Variants in PRC1 observed in about 807,000 individuals in gnomAD.
PRC1 encodes protein regulator of cytokinesis 1.
PRC1 carries 54 observed loss-of-function variants against 91.2 expected under a neutral mutation model. The ratio of observed to expected loss-of-function variants is 0.59; its 90% CI spans 0.48 to 0.74. PRC1 has a LOEUF of 0.74. PRC1 is among the 30% of genes least tolerant of loss of function. The pLI is 0.00. For synonymous variants in PRC1, 275 were observed against 263.6 expected, an observed-to-expected ratio of 1.04 and a Z score of -0.42; for missense variants, 727 against 746.2, an observed-to-expected ratio of 0.97 and a Z score of 0.30.
rs1409330560 is a variant in PRC1 at position 90,966,059 on chromosome 15, C to T, written c.*1072G>A. On this transcript the variant is annotated 3_prime_UTR_variant, in exon 15 of 15. Transcript: ENST00000394249. ...TATATCTTTTTGAAATGTAAGTATACAGATTTTAATTTATTTTTAAGAATA... is the reference window on the plus strand; with the variant it reads ...TATATCTTTTTGAAATGTAAGTATATAGATTTTAATTTATTTTTAAGAATA... The T allele has an allele frequency of 6.6e-6, 1 of 152,158 alleles. No individual in the cohort carries two copies. The highest frequency in any genetic ancestry group is 1.9e-4 in the East Asian group (1 of 5,204). 9.4% of individuals were successfully genotyped at this position (152,158 alleles called of 1,614,324 possible).
In PRC1 at chr15:90,974,993, A is replaced by G. The variant is rs1350985398; in HGVS notation, c.1204-262T>C. 2.6e-5 allele frequency among the ~76,000 whole-genome samples: 4 copies of G among 152,248 alleles called. No individual in the cohort carries two copies. Among genetic ancestry groups the G allele is most frequent in the Admixed American group, 2.6e-4 (4 of 15,284 alleles). ...TTTGGTGCCTGAAGTTGGAGGCAGC[A>G]CAGGGAAGATCAGCAATATGAAATA... On this transcript the variant is annotated intron_variant, in intron 9 of 14. Transcript: ENST00000394249. This position sits in a 1 kb window ranked among gnomAD's most constrained non-coding sequence, Gnocchi z 4.6.
In PRC1 at chr15:90,976,092, T is replaced by C. The variant is rs566807698; in HGVS notation, c.1203+584A>G. Among the ~76,000 whole-genome samples the C allele has an allele frequency of 3.6e-4, 55 of 152,182 alleles. No homozygotes were observed. The South Asian group carries it at 0.011, about 31-fold the overall frequency. ...CAGTCCGTAGTGTTTTGTTTTTTTGTTTGTTTTTCTCTCTGAGATGGAGTC... is the reference window on the plus strand; with the variant it reads ...CAGTCCGTAGTGTTTTGTTTTTTTGCTTGTTTTTCTCTCTGAGATGGAGTC... On this transcript the variant is annotated intron_variant, in intron 9 of 14. Transcript: ENST00000394249.
In PRC1 at chr15:90,980,943, C is replaced by T. The variant is rs200799126; in HGVS notation, c.763G>A (p.Glu255Lys). Residue 255 changes from glutamate (E) to lysine (K), a missense_variant, in exon 6 of 15, where the codon GAA becomes AAA. Physicochemically the swap from Glu to Lys is moderately conservative, Grantham distance 56. Transcript: ENST00000394249. ...ATGGTGGCCACAGCTTCTCTTTCTT[C>T]TTCAGGTATTTGCAACCTGTCCCAG... ...ELWDRLQIPE[E>K]EREAVATIMS... 1 of 1,614,196 alleles carries T rather than the reference C, an allele frequency of 6.2e-7. No homozygotes were observed. The highest frequency in any genetic ancestry group is 8.5e-7 in the Non-Finnish European group (1 of 1,180,040).
chr15:90,966,572 C>T lies in PRC1; in HGVS notation c.*559G>A. On this transcript the variant is annotated 3_prime_UTR_variant, in exon 15 of 15. Transcript: ENST00000394249. Reference sequence around the variant, plus strand: ...ACAATTTAACAAAGCTGCTCCCAGCCTTCCTGTCACCTCTTTGGCAGTAGG... The same window carrying T: ...ACAATTTAACAAAGCTGCTCCCAGCTTTCCTGTCACCTCTTTGGCAGTAGG... The T allele has an allele frequency of 4.4e-6, 2 of 456,166 alleles. No individual in the cohort carries two copies. Among genetic ancestry groups the T allele is most frequent in the South Asian group, 3.1e-5 (2 of 64,568 alleles). The allele number at this position is 456,166 out of a possible 1,614,324, so 28.3% of individuals were successfully genotyped here. A position where few individuals can be genotyped will look rare whatever the true frequency, so the allele number is the denominator to read the frequency against.
chr15:90,967,232 A>G, intron 14 of PRC1, 30 bp from the exon 15 acceptor site: 1 of 1,579,432 alleles, frequency 6.3e-7, no homozygotes, highest in Non-Finnish European at 8.7e-7. Context: ...ATCAGTGGCC[A>G]TACTGCCTCT....
At chr15:90,975,600 T>G (rs1437466778) in intron 9 of PRC1, among the ~76,000 whole-genome samples, 1 of 151,996 alleles carries the variant, frequency 6.6e-6, no homozygotes, top group Non-Finnish European at 1.5e-5. Context: ...CTCATGTAAC[T>G]GACTGAATTG....
chr15:90,983,863 C>T (rs746493785), intron 3 of PRC1, 155 bp downstream of exon 3: 23 of 989,122 alleles, frequency 2.3e-5, no homozygotes, highest in Non-Finnish European at 3.3e-5. Flanking sequence ...AATTACTCTG[C>T]TGGGCCTAAT....
chr15:90,990,078 C>T (rs2039872847), intron 1 of PRC1, among the ~76,000 whole-genome samples: 1 of 152,028 alleles, frequency 6.6e-6, no homozygotes, highest in Non-Finnish European at 1.5e-5. Flanking sequence ...GTGGATCACT[C>T]CTGTAATCCC....
chr15:90,969,318 C>G, intron 13 of PRC1, 129 bp downstream of exon 13: 4 of 1,322,178 alleles, frequency 3.0e-6, no homozygotes, highest in Non-Finnish European at 4.2e-6. Context: ...ATGGTCAAAG[C>G]AGGAAAGGGA....
chr15:90,979,930 G>C (rs1047206326), intron 7 of PRC1, among the ~76,000 whole-genome samples: 49 of 152,336 alleles, frequency 3.2e-4, no homozygotes, highest in African/African-American at 1.1e-3. Flanking sequence ...GCTTCAGAAA[G>C]CAAGAGACCA....
At chr15:90,980,676 C>G (rs543200084) in intron 6 of PRC1, among the ~76,000 whole-genome samples, 4 of 151,998 alleles carry the variant, frequency 2.6e-5, no homozygotes, top group African/African-American at 9.7e-5. Context: ...CACGCCACTA[C>G]CACCTGGCTA....
chr15:90,969,871 C>T (rs1030072342), intron 12 of PRC1, among the ~76,000 whole-genome samples: 5 of 149,072 alleles, frequency 3.4e-5, no homozygotes, highest in African/African-American at 7.4e-5. Flanking sequence ...TTGCTTGAGG[C>T]GACATGTTCG....
chr15:90,983,983 A>G (rs775995866), intron 3 of PRC1, 35 bp downstream of exon 3: 55 of 1,610,452 alleles, frequency 3.4e-5, no homozygotes, highest in Non-Finnish European at 4.6e-5. Flanking sequence ...CAGGCCCCAG[A>G]CAGATCACCA....
intron 12 of PRC1, among the ~76,000 whole-genome samples, 167 bp from the exon 13 acceptor site, chr15:90,969,790 A>ATG (rs1256067836): frequency 1.8e-5 from 2 of 108,834 alleles, no homozygotes; most frequent in African/African-American, 8.1e-5. Flanking sequence ...ATATATATAT[A>ATG]TATATATATA....
chr15:90,985,731 G>A (rs8036115), intron 1 of PRC1: 46,938 of 150,476 alleles, frequency 0.31, 9,262 homozygotes, highest in African/African-American at 0.54. Context: ...GCTAATTTTT[G>A]TATTTTTACA....
At chr15:90,978,456 G>A (rs905889974) in intron 8 of PRC1, among the ~76,000 whole-genome samples, 1 of 152,046 alleles carries the variant, frequency 6.6e-6, no homozygotes. Context: ...CACACTGTAT[G>A]ACATGTGCCA....
In PRC1 at chr15:90,966,809, G is replaced by C; in HGVS notation, c.*322C>G. ...GGGCATAGTCAATCATTTTCCTACA[G>C]TGGTGAAATAAAACAAGCTTTGATC... is the stretch of plus-strand genomic sequence containing the variant. On this transcript the variant is annotated 3_prime_UTR_variant, in exon 15 of 15. Coordinates refer to ENST00000394249, the MANE Select transcript of PRC1 (RefSeq NM_003981.4). 2.2e-6 allele frequency: 1 copy of C among 450,648 alleles called. No individual in the cohort carries two copies. The highest frequency in any genetic ancestry group is 2.0e-5 in the South Asian group (1 of 48,986). The allele number at this position is 450,648 out of a possible 1,614,324, so 27.9% of individuals were successfully genotyped here.
chr15:90,976,774 G>T lies in PRC1; in HGVS notation c.1108-3C>A. The T allele has an allele frequency of 1.2e-6, 2 of 1,604,842 alleles. No individual in the cohort carries two copies. The highest frequency in any genetic ancestry group is 1.3e-5 in the African/African-American group (1 of 74,716). On this transcript the variant is annotated splice_polypyrimidine_tract_variant and splice_region_variant and intron_variant, in intron 8 of 14. Transcript: ENST00000394249. ...CGATTTGGATCTGAAGCTTTTCTCT[G>T]TGAAAAATACATTTTTAATTAGTGG...
rs186031385 is a variant in PRC1 at position 90,979,669 on chromosome 15, T to C, written c.971-375A>G. The stretch of plus-strand genomic sequence containing the variant: ...AATTTAGTTGGGGTAGCTCCATCTT[T>C]ATATTCAGTGCAGTTCAGACTAGCA... On this transcript the variant is annotated intron_variant, in intron 7 of 14. Coordinates refer to ENST00000394249, the MANE Select transcript of PRC1 (RefSeq NM_003981.4). Among the ~76,000 whole-genome samples, 3 of 152,368 alleles carry C rather than the reference T, an allele frequency of 2.0e-5. No homozygotes were observed. Among genetic ancestry groups the C allele is most frequent in the East Asian group, 1.9e-4 (1 of 5,188 alleles).
Sources: gnomAD v4.1 joint callset for allele counts (sites outside exome capture counted in the v4.1 genomes callset) on GRCh38, gnomAD v4.1.1 for gene constraint, Gnocchi (gnomAD v3.1) non-coding constraint, MANE v1.5 for transcripts, NCBI Gene and HGNC (gene_info 2026-07-23, HGNC 2026-07-21) for gene names.